Variants in CLDN10 observed in about 807,000 individuals in gnomAD.
The protein encoded by CLDN10 is claudin 10.
Under a neutral mutation model 22.9 loss-of-function variants are expected in CLDN10, and 15 were observed. The observed-to-expected ratio is 0.65, with a 90% CI of 0.44 to 1.01. CLDN10 has a LOEUF of 1.01. Among genes scored for constraint, CLDN10 ranks in the 50% least tolerant of loss-of-function variants. The pLI, the probability that CLDN10 is intolerant of heterozygous loss-of-function variation, is 0.00. For missense variants in CLDN10, 247 were observed against 287.8 expected (o/e 0.86, Z 1.03); for synonymous variants, 114 against 111.4 (o/e 1.02, Z -0.15).
At chr13:95,481,342 G>A (rs1290577746) in intron 1 of CLDN10, among the ~76,000 whole-genome samples, 1 of 152,196 alleles carries the variant, frequency 6.6e-6, no homozygotes, top group Admixed American at 6.5e-5. Context: ...CCTCTAAGCT[G>A]ACATTTCTCC....
chr13:95,457,934 A>G (rs1208528073), intron 1 of CLDN10, among the ~76,000 whole-genome samples: 3 of 152,234 alleles, frequency 2.0e-5, no homozygotes, highest in Non-Finnish European at 4.4e-5. Context: ...GTCAACAACA[A>G]TAATGAACAT....
chr13:95,471,455 T>TATATATATA (rs1566287029), intron 1 of CLDN10, among the ~76,000 whole-genome samples: 3 of 71,464 alleles, frequency 4.2e-5, no homozygotes, highest in African/African-American at 6.6e-5. Context: ...ATATATATAT[T>TATATATATA]TTTTTTTTTT....
At chr13:95,528,944 G>T (rs1264022316) in intron 1 of CLDN10, among the ~76,000 whole-genome samples, 2 of 152,198 alleles carry the variant, frequency 1.3e-5, no homozygotes, top group African/African-American at 2.4e-5. Context: ...TGTCTACAGA[G>T]AGTTAGAAAA....
chr13:95,548,635 G>C (rs1049236190), upstream of CLDN10, among the ~76,000 whole-genome samples: 1 of 152,182 alleles, frequency 6.6e-6, no homozygotes, highest in East Asian at 1.9e-4. Context: ...TAAATGAAAT[G>C]TTAGGGAAAA....
At chr13:95,529,535 G>T (rs1293726698) in intron 1 of CLDN10, among the ~76,000 whole-genome samples, 1 of 152,104 alleles carries the variant, frequency 6.6e-6, no homozygotes, top group Non-Finnish European at 1.5e-5. Context: ...TTAGCTTCTA[G>T]GTGAGCGTGC....
chr13:95,438,089 T>C (rs1169814521), intron 1 of CLDN10, among the ~76,000 whole-genome samples: 2 of 152,228 alleles, frequency 1.3e-5, no homozygotes, highest in African/African-American at 4.8e-5. Flanking sequence ...GGTCTCACTC[T>C]GTCACCCAGG....
At chr13:95,557,468 C>T (rs771336106) in intron 1 of CLDN10, among the ~76,000 whole-genome samples, 20 of 152,160 alleles carry the variant, frequency 1.3e-4, no homozygotes, top group Non-Finnish European at 2.5e-4. Flanking sequence ...CTCAGGCTTA[C>T]GAGCAACTCC....
intron 1 of CLDN10, among the ~76,000 whole-genome samples, chr13:95,480,708 G>A (rs764820205): frequency 6.6e-5 from 10 of 152,180 alleles, no homozygotes; most frequent in African/African-American, 2.2e-4. Flanking sequence ...CCAGGAATTT[G>A]CATTTTAAGC....
chr13:95,575,004 T>A (rs1387442128), intron 3 of CLDN10, among the ~76,000 whole-genome samples: 1 of 152,160 alleles, frequency 6.6e-6, no homozygotes, highest in African/African-American at 2.4e-5. Flanking sequence ...ATTTCTATCA[T>A]CTTCATCCCC....
At chr13:95,554,965 G>C (rs542236182) in intron 1 of CLDN10, among the ~76,000 whole-genome samples, 1 of 151,426 alleles carries the variant, frequency 6.6e-6, no homozygotes, top group East Asian at 1.9e-4. Flanking sequence ...TTAATATTCA[G>C]TTCATACTGT....
intron 1 of CLDN10, among the ~76,000 whole-genome samples, chr13:95,511,365 G>A (rs1162593065): frequency 6.6e-6 from 1 of 151,812 alleles, no homozygotes; most frequent in Non-Finnish European, 1.5e-5. Flanking sequence ...TCCTTGTTCT[G>A]TTAGTAAACA....
chr13:95,573,867 C>T (rs761900817), intron 3 of CLDN10, among the ~76,000 whole-genome samples: 5 of 151,314 alleles, frequency 3.3e-5, no homozygotes, highest in Non-Finnish European at 7.4e-5. Context: ...TAATGCTATC[C>T]CTCCCTCCTC....
At chr13:95,565,470 A>T (rs1430041600) in intron 3 of CLDN10, among the ~76,000 whole-genome samples, 2 of 152,132 alleles carry the variant, frequency 1.3e-5, no homozygotes, top group African/African-American at 4.8e-5. Context: ...TTGGGGTCTT[A>T]TCATCCTCTA....
At chr13:95,512,963 C>A (rs1036961931) in intron 1 of CLDN10, among the ~76,000 whole-genome samples, 3 of 152,198 alleles carry the variant, frequency 2.0e-5, no homozygotes, top group African/African-American at 7.2e-5. Context: ...GCAGCCTCAA[C>A]CTGCTGGGCA....
intron 1 of CLDN10, among the ~76,000 whole-genome samples, chr13:95,493,558 CTT>C (rs372832325): frequency 0.011 from 1,436 of 132,210 alleles, 25 homozygotes; most frequent in African/African-American, 0.033. Flanking sequence ...CCTACCCCCA[CTT>C]TTTTTTTTTT....
intron 1 of CLDN10, among the ~76,000 whole-genome samples, chr13:95,546,515 A>C (rs186221224): frequency 1.1e-3 from 172 of 152,182 alleles, no homozygotes; most frequent in Middle Eastern, 0.01. Flanking sequence ...AAGAAAAAAA[A>C]CTCTCAAAAT....
intron 1 of CLDN10, among the ~76,000 whole-genome samples, chr13:95,509,953 T>A (rs1188506471): frequency 6.6e-6 from 1 of 152,202 alleles, no homozygotes; most frequent in Non-Finnish European, 1.5e-5. Context: ...AGGATAGGCA[T>A]GGGGAGCTGA....
chr13:95,533,076 A>G (rs1194910366), intron 1 of CLDN10, among the ~76,000 whole-genome samples: 1 of 152,086 alleles, frequency 6.6e-6, no homozygotes. Context: ...GTGAATGTAC[A>G]CTTAAGATTT....
chr13:95,467,531 G>GT (rs2042592391), intron 1 of CLDN10, among the ~76,000 whole-genome samples: 1 of 151,168 alleles, frequency 6.6e-6, no homozygotes, highest in Non-Finnish European at 1.5e-5. Context: ...GTTTTTTTTG[G>GT]GGGGGGCAAT....
Sources: gnomAD v4.1 joint callset for allele counts (sites outside exome capture counted in the v4.1 genomes callset) on GRCh38, gnomAD v4.1.1 for gene constraint, MANE v1.5 for transcripts, NCBI Gene and HGNC (gene_info 2026-07-23, HGNC 2026-07-21) for gene names.